The following BICC1 variants were observed in gnomAD, a reference collection of about 807,000 sequenced individuals.
The protein encoded by BICC1 is BicC family RNA binding protein 1.
A neutral mutation model predicts 111.0 loss-of-function variants in BICC1; 43 were observed. The observed-to-expected ratio is 0.39, with a 90% CI of 0.30 to 0.50. The LOEUF (loss-of-function observed/expected upper bound fraction) is 0.50, where lower values mean the gene tolerates loss of function less well. Ranked by LOEUF, BICC1 falls within the 20% of genes least tolerant of loss-of-function variation. The pLI is 0.88. For synonymous variants in BICC1, 467 were observed against 434.4 expected, an observed-to-expected ratio of 1.07 and a Z score of -0.93; for missense variants, 1,091 against 1,203.2, an observed-to-expected ratio of 0.91 and a Z score of 1.38.
At chr10:58,572,485 G>A (rs1232264897) in intron 1 of BICC1, among the ~76,000 whole-genome samples, 1 of 152,006 alleles carries the variant, frequency 6.6e-6, no homozygotes, top group Non-Finnish European at 1.5e-5. Context: ...AGATGATCTT[G>A]TTGGAAGCCA....
chr10:58,766,040 C>T (rs1045800018), intron 3 of BICC1, among the ~76,000 whole-genome samples: 6 of 152,208 alleles, frequency 3.9e-5, no homozygotes, highest in African/African-American at 1.4e-4. Flanking sequence ...CTGGAAGCAG[C>T]ACAGAAATAT....
intron 1 of BICC1, among the ~76,000 whole-genome samples, chr10:58,517,741 T>C (rs182730036): frequency 6.6e-5 from 10 of 152,314 alleles, no homozygotes; most frequent in African/African-American, 2.4e-4. Flanking sequence ...ACCTCATTTC[T>C]CAAATGGGGC....
rs12766867 is a variant in BICC1, at chr10:58,829,192, T to A, written c.*301T>A. 1 of 32,126 alleles carries A rather than the reference T, an allele frequency of 3.1e-5. No homozygotes were observed. The highest frequency in any genetic ancestry group is 5.3e-5 in the Non-Finnish European group (1 of 18,916). 2.0% of individuals were successfully genotyped at this position (32,126 alleles called of 1,614,324 possible). On this transcript the variant is annotated 3_prime_UTR_variant, in exon 21 of 21. Coordinates refer to ENST00000373886, the MANE Select transcript of BICC1 (RefSeq NM_001080512.3). ...ACCTATATAACATATGCACTGATGATTTTTTTTTTTTTTTTTTTTTTTTTT... is the reference window on the plus strand; with the variant it reads ...ACCTATATAACATATGCACTGATGAATTTTTTTTTTTTTTTTTTTTTTTTT...
chr10:58,567,416 A>G (rs79252748), intron 1 of BICC1, among the ~76,000 whole-genome samples: 5,035 of 151,796 alleles, frequency 0.033, 262 homozygotes, highest in African/African-American at 0.12. Flanking sequence ...ATATATATAT[A>G]TGTGTGTGTC....
intron 2 of BICC1, among the ~76,000 whole-genome samples, chr10:58,677,748 A>G (rs1839389436): frequency 6.6e-6 from 1 of 152,224 alleles, no homozygotes; most frequent in Admixed American, 6.5e-5. Context: ...CATAATTGTC[A>G]TATTCACCAA....
Position 58,712,939 on chromosome 10 carries a change from TAA to T in BICC1, c.307+10798_307+10799del, listed in dbSNP as rs933985671. Among the ~76,000 whole-genome samples, 8 of 152,200 alleles carry T rather than the reference TAA, an allele frequency of 5.3e-5. No homozygotes were observed. In the East Asian group the frequency reaches 7.7e-4, roughly 15 times the overall value. On this transcript the variant is annotated intron_variant, in intron 3 of 20. Coordinates refer to ENST00000373886, the MANE Select transcript of BICC1 (RefSeq NM_001080512.3). ...CTGAGCCGGAAACTGCCCTGAAAAA[TAA>T]AGTCTATATTTAAAAGAATAGTCGT...
chr10:58,796,476 G>A lies in BICC1; in HGVS notation c.1316G>A (p.Cys439Tyr), dbSNP rs745385362. The stretch of plus-strand genomic sequence containing the variant: ...GCATCCTGCCCTGCCGGCCTGGCAT[G>A]TCCCAGCCTGGATATCTTAGCTTCA... ...SPASCPAGLACPSLDILASAG... is the reference protein window; with the variant it reads ...SPASCPAGLAYPSLDILASAG... Residue 439 changes from cysteine (C) to tyrosine (Y), a missense_variant, in exon 10 of 21, where the codon TGT becomes TAT. Physicochemically the swap from Cys to Tyr is radical, Grantham distance 194. This residue lies in a region of BICC1 where 843 missense variants were observed against 900.8 expected (regional missense o/e 0.94). Transcript: ENST00000373886. 3.1e-6 allele frequency: 5 copies of A among 1,614,062 alleles called. No homozygotes were observed. In the South Asian group the frequency reaches 4.4e-5, roughly 14 times the overall value.
Position 58,598,864 on chromosome 10 carries a change from A to G in BICC1, c.191-21991A>G, listed in dbSNP as rs560450353. Among the ~76,000 whole-genome samples the G allele has an allele frequency of 2.7e-4, 41 of 152,352 alleles. 1 individual carries two copies. In the South Asian group the frequency reaches 8.5e-3, roughly 32 times the overall value. On this transcript the variant is annotated intron_variant, in intron 1 of 20. Coordinates refer to ENST00000373886, the MANE Select transcript of BICC1 (RefSeq NM_001080512.3). ...AAAAGATATGAACAGACACTTCTCA[A>G]AATAAGACATTTATGCGGCCAACAG... is the stretch of plus-strand genomic sequence containing the variant.
chr10:58,648,109 T>A (rs543454591), intron 2 of BICC1, among the ~76,000 whole-genome samples: 4 of 151,722 alleles, frequency 2.6e-5, no homozygotes, highest in Non-Finnish European at 4.4e-5. Context: ...CAACTGCATT[T>A]AAAAAAAAAT....
intron 18 of BICC1, 136 bp downstream of exon 18, chr10:58,814,122 C>A: frequency 2.0e-6 from 2 of 1,016,396 alleles, no homozygotes; most frequent in Non-Finnish European, 3.1e-6. Flanking sequence ...CTCTGTGAAG[C>A]CTCCTTGTTT....
At chr10:58,607,023 T>G (rs1202153863) in intron 1 of BICC1, among the ~76,000 whole-genome samples, 2 of 152,140 alleles carry the variant, frequency 1.3e-5, no homozygotes, top group Admixed American at 1.3e-4. Flanking sequence ...ATGTTTCTCT[T>G]TTAAAACTGT....
rs1838905394 is a variant in BICC1, at chr10:58,663,313, C to T, written c.238-38761C>T. Reference sequence around the variant, plus strand: ...AACTCCTGTCCTCAGGTGATCCACCCACCTCGGCCTCCCAAAGTGCTGGGG... The same window carrying T: ...AACTCCTGTCCTCAGGTGATCCACCTACCTCGGCCTCCCAAAGTGCTGGGG... On this transcript the variant is annotated intron_variant, in intron 2 of 20. Transcript: ENST00000373886. Among the ~76,000 whole-genome samples the T allele has an allele frequency of 3.3e-5, 5 of 152,104 alleles. No homozygotes were observed. In the South Asian group the frequency reaches 1.0e-3, roughly 32 times the overall value.
At chr10:58,539,196 C>T (rs1305838129) in intron 1 of BICC1, among the ~76,000 whole-genome samples, 2 of 151,904 alleles carry the variant, frequency 1.3e-5, no homozygotes, top group East Asian at 3.9e-4. Context: ...TTGTAGAATA[C>T]TACTCAGCCA....
chr10:58,800,370 G>C (rs761220642), intron 13 of BICC1, 44 bp downstream of exon 13: 6 of 1,589,910 alleles, frequency 3.8e-6, no homozygotes, highest in Non-Finnish European at 5.1e-6. Flanking sequence ...GTTGTTATTT[G>C]GAAAAAGGAG....
chr10:58,542,150 C>CA (rs149049552), intron 1 of BICC1, among the ~76,000 whole-genome samples: 2,558 of 82,020 alleles, frequency 0.031, 107 homozygotes, highest in Middle Eastern at 0.079. Flanking sequence ...GACCCTGTCT[C>CA]AAAAAAAAAA....
At chr10:58,615,003 T>C (rs1845553512) in intron 1 of BICC1, among the ~76,000 whole-genome samples, 1 of 152,106 alleles carries the variant, frequency 6.6e-6, no homozygotes, top group African/African-American at 2.4e-5. Flanking sequence ...CATGTGAAAG[T>C]GGGTATCATT....
intron 3 of BICC1, among the ~76,000 whole-genome samples, chr10:58,712,629 C>A (rs1015201718): frequency 1.3e-5 from 2 of 152,150 alleles, no homozygotes; most frequent in African/African-American, 4.8e-5. Context: ...TTTATGATTT[C>A]AACTCTATGT....
intron 1 of BICC1, among the ~76,000 whole-genome samples, chr10:58,600,695 CTCT>C (rs774156296): frequency 2.6e-5 from 4 of 152,106 alleles, no homozygotes; most frequent in African/African-American, 7.2e-5. Context: ...AAGACCAACT[CTCT>C]TCTTCTGCCT....
chr10:58,579,150 T>C (rs1454211272), intron 1 of BICC1, among the ~76,000 whole-genome samples: 1 of 152,140 alleles, frequency 6.6e-6, no homozygotes, highest in African/African-American at 2.4e-5. Context: ...CCTAAGGCCA[T>C]GTCCCTGTTG....
Sources: allele counts gnomAD v4.1 joint callset (sites outside exome capture counted in the v4.1 genomes callset), GRCh38; gene constraint gnomAD v4.1.1; regional missense constraint gnomAD v4.1.1; transcripts MANE v1.5; gene names NCBI Gene and HGNC (gene_info 2026-07-23, HGNC 2026-07-21).